The following PPFIBP1 variants were observed in gnomAD, a reference collection of about 807,000 sequenced individuals.
The protein encoded by PPFIBP1 is PPFIB scaffold protein 1.
In PPFIBP1, 112 loss-of-function variants were observed where a neutral mutation model predicts 137.8. The ratio of observed to expected loss-of-function variants is 0.81; its 90% CI spans 0.70 to 0.95. The LOEUF is 0.95. Ranked by LOEUF, PPFIBP1 falls within the 40% of genes least tolerant of loss-of-function variation. The pLI is 0.00. For missense variants in PPFIBP1, 1,083 were observed against 1,196.6 expected, an observed-to-expected ratio of 0.91 and a Z score of 1.40; for synonymous variants, 378 against 417.3, an observed-to-expected ratio of 0.91 and a Z score of 1.15.
chr12:27,594,412 A>G (rs2052941557), intron 2 of PPFIBP1, among the ~76,000 whole-genome samples: 1 of 152,170 alleles, frequency 6.6e-6, no homozygotes, highest in East Asian at 1.9e-4. Context: ...TCCTCACCTC[A>G]GGTGATCCAC....
rs114567135 is a variant in PPFIBP1, at chr12:27,563,111, G to A, written c.-123-15041G>A. On this transcript the variant is annotated intron_variant, in intron 1 of 29. Coordinates refer to ENST00000228425, the MANE Select transcript of PPFIBP1 (RefSeq NM_003622.4). ...GGGGATAGTTTTTTGAATGATCTAG[G>A]TGGGCCGTATGTAAATAATTACATA... 6.5e-3 allele frequency among the ~76,000 whole-genome samples: 983 copies of A among 151,062 alleles called. 11 individuals carry two copies. Among genetic ancestry groups the A allele is most frequent in the African/African-American group, 0.022 (921 of 41,094 alleles).
rs368152234 is a variant in PPFIBP1 at position 27,527,772 on chromosome 12, GA to G, written c.-124+3418del. On this transcript the variant is annotated intron_variant, in intron 1 of 29. Coordinates refer to ENST00000228425, the MANE Select transcript of PPFIBP1 (RefSeq NM_003622.4). ...AAAGTCATATTAGCTCCAAAATTAAGAAAAAAAAAAATCACAGTTGAGCAGC... is the reference window on the plus strand; with the variant it reads ...AAAGTCATATTAGCTCCAAAATTAAGAAAAAAAAAATCACAGTTGAGCAGC... Among the ~76,000 whole-genome samples the G allele has an allele frequency of 6.9e-4, 100 of 145,498 alleles. 1 individual carries two copies. Among genetic ancestry groups the G allele is most frequent in the Middle Eastern group, 7.2e-3 (2 of 276 alleles).
rs554145112 is a variant in PPFIBP1, at chr12:27,678,639, C to T, written c.1616-850C>T. On this transcript the variant is annotated intron_variant, in intron 19 of 29. Coordinates refer to ENST00000228425, the MANE Select transcript of PPFIBP1 (RefSeq NM_003622.4). ...CTTTGGGAGGCCGAGGTGGGTGGAT[C>T]ACGAGGTCAGGAGTTCAAGACCAGC... 2.6e-5 allele frequency among the ~76,000 whole-genome samples: 4 copies of T among 152,080 alleles called. No homozygotes were observed. The East Asian group carries it at 7.7e-4, about 29-fold the overall frequency.
chr12:27,686,824 C>T (rs1276541102), intron 24 of PPFIBP1, among the ~76,000 whole-genome samples: 1 of 151,792 alleles, frequency 6.6e-6, no homozygotes, highest in African/African-American at 2.4e-5. Context: ...ACTGCTTGAG[C>T]CTAGGAGTTT....
chr12:27,620,193 T>C (rs1262080126), intron 2 of PPFIBP1, among the ~76,000 whole-genome samples: 1 of 152,150 alleles, frequency 6.6e-6, no homozygotes, highest in Non-Finnish European at 1.5e-5. Context: ...AGAAATCAGA[T>C]CATGTCATTC....
intron 11 of PPFIBP1, among the ~76,000 whole-genome samples, chr12:27,663,163 G>A (rs567117848): frequency 2.0e-5 from 3 of 152,262 alleles, no homozygotes; most frequent in Admixed American, 6.5e-5. Context: ...ACTTCTTCAC[G>A]TAGTTCCTCA....
intron 1 of PPFIBP1, among the ~76,000 whole-genome samples, chr12:27,572,804 C>A (rs1221396016): frequency 1.3e-5 from 2 of 152,114 alleles, no homozygotes; most frequent in African/African-American, 4.8e-5. Context: ...AATCCCAAGC[C>A]CTCATCCATC....
At chr12:27,621,943 T>C (rs2056381630) in intron 2 of PPFIBP1, among the ~76,000 whole-genome samples, 1 of 152,214 alleles carries the variant, frequency 6.6e-6, no homozygotes, top group Non-Finnish European at 1.5e-5. Context: ...ATTTTGCTGA[T>C]ATGATCCATT....
chr12:27,656,697 A>G lies in PPFIBP1; in HGVS notation c.778A>G (p.Met260Val), dbSNP rs1461314875. The G allele has an allele frequency of 6.2e-7, 1 of 1,610,992 alleles. No individual in the cohort carries two copies. Among genetic ancestry groups the G allele is most frequent in the South Asian group, 1.1e-5 (1 of 91,000 alleles). ...GCTACAAGAAAAATTGGTTTGCAAG[A>G]TGAAAGGAGAAGGGGTTGAAATTGT... Reference protein sequence around the residue: ...KRLQEKLVCKMKGEGVEIVDR... With the variant: ...KRLQEKLVCKVKGEGVEIVDR... Residue 260 changes from methionine (M) to valine (V), a missense_variant, in exon 9 of 30, where the codon ATG becomes GTG. By Grantham distance (21) the Met-to-Val change is conservative. Transcript: ENST00000228425.
chr12:27,667,853 G>A lies in PPFIBP1; in HGVS notation c.1146+533G>A, dbSNP rs553356256. Among the ~76,000 whole-genome samples, 4 of 152,198 alleles carry A rather than the reference G, an allele frequency of 2.6e-5. 1 individual carries two copies. Among genetic ancestry groups the A allele is most frequent in the African/African-American group, 7.2e-5 (3 of 41,520 alleles). On this transcript the variant is annotated intron_variant, in intron 13 of 29. Transcript: ENST00000228425. ...CCATTTAGAACAACTACATGTGACC[G>A]CTTGGCTTCCTCACAATCCTAAGGG...
At chr12:27,535,121 C>T (rs981249660) in intron 1 of PPFIBP1, among the ~76,000 whole-genome samples, 3 of 152,028 alleles carry the variant, frequency 2.0e-5, no homozygotes, top group Admixed American at 1.3e-4. Context: ...CTATAGAATC[C>T]GTGGAGCCTG....
At chr12:27,584,306 G>A (rs1489050813) in intron 2 of PPFIBP1, 2 of 152,290 alleles carry the variant, frequency 1.3e-5, no homozygotes, top group Non-Finnish European at 2.9e-5. Flanking sequence ...AACAGCACAA[G>A]GGTTGATCGA....
chr12:27,672,296 A>G, intron 14 of PPFIBP1, 131 bp from the exon 15 acceptor site: 5 of 709,112 alleles, frequency 7.1e-6, no homozygotes. Flanking sequence ...GCCAAATAAA[A>G]TAGGACATTT....
chr12:27,624,055 A>C (rs1216089435), intron 2 of PPFIBP1, among the ~76,000 whole-genome samples: 1 of 152,050 alleles, frequency 6.6e-6, no homozygotes, highest in Non-Finnish European at 1.5e-5. Context: ...CACCTTGAAA[A>C]ACATGTGTCC....
chr12:27,619,493 C>CA (rs1221696568), intron 2 of PPFIBP1, among the ~76,000 whole-genome samples: 1 of 152,078 alleles, frequency 6.6e-6, no homozygotes, highest in Non-Finnish European at 1.5e-5. Flanking sequence ...TAAAGGATGA[C>CA]AGGGTAATGA....
intron 2 of PPFIBP1, among the ~76,000 whole-genome samples, chr12:27,628,552 G>A (rs576797481): frequency 6.6e-6 from 1 of 152,166 alleles, no homozygotes; most frequent in Non-Finnish European, 1.5e-5. Context: ...GCAGATTTCT[G>A]GGTAAGCAAA....
intron 2 of PPFIBP1, among the ~76,000 whole-genome samples, chr12:27,601,520 T>TGTA (rs1315888747): frequency 2.0e-5 from 3 of 152,234 alleles, no homozygotes; most frequent in African/African-American, 7.2e-5. Context: ...CTACACACTC[T>TGTA]GCTTGATGCT....
Position 27,551,942 on chromosome 12 carries a change from A to G in PPFIBP1, c.-123-26210A>G, listed in dbSNP as rs1396267948. ...GAAAGAGCCTTCAGAACATCAAATCATAATTGCTGAGTAGCAGACTGCGTT... is the reference window on the plus strand; with the variant it reads ...GAAAGAGCCTTCAGAACATCAAATCGTAATTGCTGAGTAGCAGACTGCGTT... On this transcript the variant is annotated intron_variant, in intron 1 of 29. Transcript: ENST00000228425. Among the ~76,000 whole-genome samples, 4 of 152,348 alleles carry G rather than the reference A, an allele frequency of 2.6e-5. No individual in the cohort carries two copies. In the East Asian group the frequency reaches 5.8e-4, roughly 22 times the overall value.
chr12:27,561,529 T>A (rs2049163070), intron 1 of PPFIBP1, among the ~76,000 whole-genome samples: 1 of 152,226 alleles, frequency 6.6e-6, no homozygotes, highest in African/African-American at 2.4e-5. Context: ...ATAAAATGTG[T>A]CATTTTCCTT....
Sources: allele counts gnomAD v4.1 joint callset (sites outside exome capture counted in the v4.1 genomes callset), GRCh38; gene constraint gnomAD v4.1.1; transcripts MANE v1.5; gene names NCBI Gene and HGNC (gene_info 2026-07-23, HGNC 2026-07-21).